The following NALF1 variants were observed in gnomAD, a reference collection of about 807,000 sequenced individuals.
The protein encoded by NALF1 is family with sequence similarity 155 member A.
NALF1 carries 3 observed loss-of-function variants against 48.4 expected under a neutral mutation model. The ratio of observed to expected loss-of-function variants is 0.06; its 90% CI spans 0.03 to 0.16. The LOEUF (loss-of-function observed/expected upper bound fraction) is 0.16, where lower values mean the gene tolerates loss of function less well. Ranked by LOEUF, NALF1 falls within the 10% of genes least tolerant of loss-of-function variation. NALF1 has a pLI of 1.00. For missense variants in NALF1, 526 were observed against 571.5 expected (o/e 0.92, Z 0.81); for synonymous variants, 262 against 245.7 (o/e 1.07, Z -0.62).
At chr13:107,314,380 G>A (rs1402775984) in intron 1 of NALF1, among the ~76,000 whole-genome samples, 4 of 152,040 alleles carry the variant, frequency 2.6e-5, no homozygotes, top group African/African-American at 4.8e-5. Flanking sequence ...ATGAGACTCT[G>A]GGAGTTCCCT....
At chr13:107,637,575 T>G (rs954550857) in intron 1 of NALF1, among the ~76,000 whole-genome samples, 5 of 152,188 alleles carry the variant, frequency 3.3e-5, no homozygotes, top group Non-Finnish European at 4.4e-5. Context: ...TGTGGCAGAT[T>G]CATTATCCTT....
intron 1 of NALF1, among the ~76,000 whole-genome samples, chr13:107,495,845 G>C (rs1399813340): frequency 2.0e-5 from 3 of 152,036 alleles, no homozygotes; most frequent in Non-Finnish European, 4.4e-5. Flanking sequence ...TTGAGGATAA[G>C]AATAAAGAAA....
At chr13:107,796,450 G>A (rs540154319) in intron 1 of NALF1, among the ~76,000 whole-genome samples, 12 of 151,986 alleles carry the variant, frequency 7.9e-5, no homozygotes, top group African/African-American at 2.7e-4. Flanking sequence ...TCTCTCATTC[G>A]ATGTGAACAA....
At chr13:107,720,374 G>T (rs552748160) in intron 1 of NALF1, among the ~76,000 whole-genome samples, 1 of 152,030 alleles carries the variant, frequency 6.6e-6, no homozygotes, top group Non-Finnish European at 1.5e-5. Context: ...AGCCAGGCGC[G>T]GTGGCGCACA....
chr13:107,375,191 C>T (rs1219834588), intron 1 of NALF1, among the ~76,000 whole-genome samples: 3 of 152,122 alleles, frequency 2.0e-5, no homozygotes, highest in Admixed American at 1.3e-4. Context: ...TAAATGTCTT[C>T]GGCTGTGATA....
chr13:107,529,754 G>T (rs780035553), intron 1 of NALF1, among the ~76,000 whole-genome samples: 1 of 152,006 alleles, frequency 6.6e-6, no homozygotes. Flanking sequence ...AGCTCTGACT[G>T]CCATGTGAGA....
At chr13:107,556,305 A>G (rs1037700468) in intron 1 of NALF1, among the ~76,000 whole-genome samples, 5 of 148,512 alleles carry the variant, frequency 3.4e-5, no homozygotes, top group Non-Finnish European at 7.4e-5. Context: ...ATACACACAC[A>G]CACACACACA....
At chr13:107,295,716 A>G (rs1029975360) in intron 1 of NALF1, among the ~76,000 whole-genome samples, 5 of 152,186 alleles carry the variant, frequency 3.3e-5, no homozygotes, top group Admixed American at 3.3e-4. Context: ...GCAAAATGGA[A>G]GCATTGGATT....
At chr13:107,666,785 T>G (rs1363742120) in intron 1 of NALF1, among the ~76,000 whole-genome samples, 14 of 151,892 alleles carry the variant, frequency 9.2e-5, no homozygotes, top group Non-Finnish European at 1.6e-4. Flanking sequence ...ATAATTTTTT[T>G]GTAAAGTATC....
intron 1 of NALF1, among the ~76,000 whole-genome samples, chr13:107,711,382 C>T (rs946672819): frequency 6.6e-6 from 1 of 152,200 alleles, no homozygotes; most frequent in African/African-American, 2.4e-5. Context: ...GTCTCCCAGG[C>T]GGGAGTGCAG....
chr13:107,829,314 G>T (rs1294660584), intron 1 of NALF1, among the ~76,000 whole-genome samples: 1 of 152,100 alleles, frequency 6.6e-6, no homozygotes, highest in African/African-American at 2.4e-5. Flanking sequence ...TAACTGCATT[G>T]GTCAGTCAAA....
At chr13:107,743,814 GGTAAGCT>G (rs1276649144) in intron 1 of NALF1, among the ~76,000 whole-genome samples, 3 of 152,182 alleles carry the variant, frequency 2.0e-5, no homozygotes, top group African/African-American at 7.2e-5. Context: ...CTAGACACAG[GGTAAGCT>G]GTATGTCCAA....
intron 1 of NALF1, among the ~76,000 whole-genome samples, chr13:107,258,358 C>T (rs536487825): frequency 2.6e-5 from 4 of 152,254 alleles, no homozygotes; most frequent in Admixed American, 2.0e-4. Flanking sequence ...AAGGATCTAA[C>T]TCATATTGCC....
intron 1 of NALF1, among the ~76,000 whole-genome samples, chr13:107,857,501 T>C (rs1880467738): frequency 6.6e-6 from 1 of 152,160 alleles, no homozygotes; most frequent in Non-Finnish European, 1.5e-5. Context: ...TTTCTCCCCT[T>C]GTCCTCTCAA....
intron 1 of NALF1, among the ~76,000 whole-genome samples, chr13:107,590,168 TAAATG>T (rs1361403952): frequency 6.6e-6 from 1 of 151,990 alleles, no homozygotes; most frequent in Non-Finnish European, 1.5e-5. Flanking sequence ...CACATAAAGA[TAAATG>T]AAATGATAAA....
chr13:107,298,351 C>CAAAAAAAAAAAAAAAAA (rs1192707023), intron 1 of NALF1, among the ~76,000 whole-genome samples: 4 of 16,626 alleles, frequency 2.4e-4, no homozygotes, highest in Non-Finnish European at 2.1e-4. Context: ...GACTCCATCT[C>CAAAAAAAAAAAAAAAAA]AAAAAAAAAA....
rs191708917 is a variant in NALF1, at chr13:107,169,528, C to T, written c.*969G>A. 1 of 152,322 alleles carries T rather than the reference C, an allele frequency of 6.6e-6. No individual in the cohort carries two copies. Among genetic ancestry groups the T allele is most frequent in the African/African-American group, 2.4e-5 (1 of 41,572 alleles). 9.4% of individuals were successfully genotyped at this position (152,322 alleles called of 1,614,324 possible). On this transcript the variant is annotated 3_prime_UTR_variant, in exon 3 of 3. Coordinates refer to ENST00000375915, the MANE Select transcript of NALF1 (RefSeq NM_001080396.3). ...TTCATTGTCAAAAGAAAAACTTCCT[C>T]ACTCCCCGCATCCTGATTCTAGATA...
At chr13:107,694,314 AT>A (rs5806680) in intron 1 of NALF1, among the ~76,000 whole-genome samples, 93,427 of 151,384 alleles carry the variant, frequency 0.62, 29,199 homozygotes, top group Non-Finnish European at 0.67. Context: ...TGCTTTATAC[AT>A]TTTTTTTTGC....
At chr13:107,601,017 C>T (rs1056032398) in intron 1 of NALF1, among the ~76,000 whole-genome samples, 1 of 151,834 alleles carries the variant, frequency 6.6e-6, no homozygotes, top group Non-Finnish European at 1.5e-5. Context: ...GTATAAGTCA[C>T]GGTAGGTCTT....
Sources: gnomAD v4.1 joint callset for allele counts (sites outside exome capture counted in the v4.1 genomes callset) on GRCh38, gnomAD v4.1.1 for gene constraint, MANE v1.5 for transcripts, NCBI Gene and HGNC (gene_info 2026-07-23, HGNC 2026-07-21) for gene names.